ARHGAP15: variants seen among roughly 807,000 people sequenced by gnomAD.
The protein encoded by ARHGAP15 is rho GTPase-activating protein 15.
A neutral mutation model predicts 63.7 loss-of-function variants in ARHGAP15; 51 were observed. The observed-to-expected ratio is 0.80, with a 90% CI of 0.64 to 1.01. ARHGAP15 has a LOEUF of 1.01. Ranked by LOEUF, ARHGAP15 falls within the 50% of genes least tolerant of loss-of-function variation. The probability of loss-of-function intolerance (pLI) is 0.00; values close to 1 mark genes in which losing one functional copy is unlikely to be tolerated. For missense variants in ARHGAP15, 560 were observed against 564.6 expected (o/e 0.99, Z 0.08); for synonymous variants, 191 against 193.8 (o/e 0.99, Z 0.12).
chr2:143,277,003 C>A (rs371943797), intron 6 of ARHGAP15, among the ~76,000 whole-genome samples: 3 of 152,144 alleles, frequency 2.0e-5, no homozygotes, highest in African/African-American at 7.2e-5. Flanking sequence ...ACCATCTTAT[C>A]ATCTTTCTAT....
chr2:143,536,972 T>G (rs557051222), intron 10 of ARHGAP15, among the ~76,000 whole-genome samples: 2,268 of 152,258 alleles, frequency 0.015, 26 homozygotes, highest in Non-Finnish European at 0.023. Flanking sequence ...ATGGTTGAAC[T>G]AGTTTACAGT....
chr2:143,754,471 G>C (rs1240118163), intron 13 of ARHGAP15, among the ~76,000 whole-genome samples: 1 of 152,090 alleles, frequency 6.6e-6, no homozygotes, highest in Non-Finnish European at 1.5e-5. Context: ...ACTCTTCACA[G>C]AGTACTCTGT....
chr2:143,219,517 A>G (rs1460895267), intron 4 of ARHGAP15, among the ~76,000 whole-genome samples: 1 of 152,208 alleles, frequency 6.6e-6, no homozygotes, highest in Non-Finnish European at 1.5e-5. Context: ...CAACATTTCA[A>G]TAAATCGCAC....
At chr2:143,611,891 T>C (rs752633942) in intron 11 of ARHGAP15, among the ~76,000 whole-genome samples, 1 of 152,208 alleles carries the variant, frequency 6.6e-6, no homozygotes, top group African/African-American at 2.4e-5. Flanking sequence ...GTTCATTAAA[T>C]GGATGGCCTC....
At chr2:143,517,723 A>C (rs1205323557) in intron 9 of ARHGAP15, among the ~76,000 whole-genome samples, 1 of 152,236 alleles carries the variant, frequency 6.6e-6, no homozygotes, top group Non-Finnish European at 1.5e-5. Flanking sequence ...AGTGGCATAG[A>C]GAATGGCATG....
chr2:143,647,072 A>G (rs1680913990), intron 12 of ARHGAP15, among the ~76,000 whole-genome samples: 1 of 152,034 alleles, frequency 6.6e-6, no homozygotes, highest in African/African-American at 2.4e-5. Context: ...TCTGTGAATG[A>G]AAAATGGATA....
chr2:143,640,078 T>C (rs899464810), intron 12 of ARHGAP15, among the ~76,000 whole-genome samples: 2 of 152,176 alleles, frequency 1.3e-5, no homozygotes, highest in African/African-American at 4.8e-5. Flanking sequence ...AAATTGTCTC[T>C]TGTCTAGGTA....
intron 11 of ARHGAP15, among the ~76,000 whole-genome samples, chr2:143,623,217 G>A (rs1011891962): frequency 4.6e-5 from 7 of 152,148 alleles, no homozygotes; most frequent in Admixed American, 6.5e-5. Context: ...CCTTTCAGAC[G>A]TGAATGCATC....
chr2:143,207,493 T>TAAACACACACAC (rs1213554029), intron 3 of ARHGAP15, among the ~76,000 whole-genome samples: 1 of 126,572 alleles, frequency 7.9e-6, no homozygotes, highest in Non-Finnish European at 1.7e-5. Flanking sequence ...CACACACACA[T>TAAACACACACAC]AAACACACAC....
chr2:143,481,354 T>G (rs2105214229), intron 8 of ARHGAP15, among the ~76,000 whole-genome samples: 1 of 152,248 alleles, frequency 6.6e-6, no homozygotes, highest in African/African-American at 2.4e-5. Flanking sequence ...ATGACTCCAC[T>G]TTCCTTTAGC....
chr2:143,677,516 G>C (rs1682887070), intron 12 of ARHGAP15, among the ~76,000 whole-genome samples: 1 of 152,126 alleles, frequency 6.6e-6, no homozygotes, highest in African/African-American at 2.4e-5. Flanking sequence ...ACCCCTCCTA[G>C]TTGGTGTGGC....
chr2:143,638,543 CTAATGCTAGATG>C (rs1196727833), intron 12 of ARHGAP15, among the ~76,000 whole-genome samples: 1 of 147,982 alleles, frequency 6.8e-6, no homozygotes, highest in Non-Finnish European at 1.5e-5. Context: ...GGAGGTATAC[CTAATGCTAGATG>C]ACGAGTTAGT....
intron 8 of ARHGAP15, among the ~76,000 whole-genome samples, chr2:143,445,146 A>G (rs1282204482): frequency 7.4e-6 from 1 of 135,158 alleles, no homozygotes; most frequent in African/African-American, 3.0e-5. Flanking sequence ...AAAGATTAAG[A>G]ACAATTATTT....
chr2:143,180,971 C>A (rs912905246), intron 2 of ARHGAP15, among the ~76,000 whole-genome samples: 6 of 152,136 alleles, frequency 3.9e-5, no homozygotes, highest in South Asian at 2.1e-4. Flanking sequence ...TGTACCCGGC[C>A]TTAAATATAT....
At chr2:143,468,661 A>AGTGTGTGTGT (rs72252562) in intron 8 of ARHGAP15, among the ~76,000 whole-genome samples, 52 of 133,848 alleles carry the variant, frequency 3.9e-4, no homozygotes, top group Non-Finnish European at 6.7e-4. Flanking sequence ...AGAGAGAGAG[A>AGTGTGTGTGT]GAGTGTGTGT....
At chr2:143,735,717 A>T (rs896542391) in intron 13 of ARHGAP15, among the ~76,000 whole-genome samples, 1 of 152,138 alleles carries the variant, frequency 6.6e-6, no homozygotes, top group Non-Finnish European at 1.5e-5. Flanking sequence ...AGTTTTCCCC[A>T]AAGATGGTCT....
chr2:143,703,101 T>G (rs1684163830), intron 12 of ARHGAP15, among the ~76,000 whole-genome samples: 1 of 152,210 alleles, frequency 6.6e-6, no homozygotes, highest in African/African-American at 2.4e-5. Context: ...ACATTGTTGT[T>G]GCTTTCATGT....
At chr2:143,630,972 T>C (rs1194541184) in intron 12 of ARHGAP15, among the ~76,000 whole-genome samples, 1 of 152,048 alleles carries the variant, frequency 6.6e-6, no homozygotes, top group Non-Finnish European at 1.5e-5. Context: ...CAATTCTCTT[T>C]CCTTCCCCTT....
chr2:143,362,344 T>C (rs1179342662), intron 6 of ARHGAP15, among the ~76,000 whole-genome samples: 1 of 152,210 alleles, frequency 6.6e-6, no homozygotes, highest in Non-Finnish European at 1.5e-5. Flanking sequence ...TTTGGCACAG[T>C]TGTGCTCTGT....
Sources: allele counts gnomAD v4.1 joint callset (sites outside exome capture counted in the v4.1 genomes callset), GRCh38; gene constraint gnomAD v4.1.1; transcripts MANE v1.5; gene names NCBI Gene and HGNC (gene_info 2026-07-23, HGNC 2026-07-21).